Variants in SUCLA2 observed in about 807,000 individuals in gnomAD.
The protein encoded by SUCLA2 is succinate-CoA ligase ADP-forming subunit beta, also known as succinate--CoA ligase [ADP-forming] subunit beta, mitochondrial.
In SUCLA2, 30 loss-of-function variants were observed where a neutral mutation model predicts 54.8. The observed-to-expected ratio is 0.55, with a 90% CI of 0.41 to 0.74. The LOEUF (loss-of-function observed/expected upper bound fraction) is 0.74, where lower values mean the gene tolerates loss of function less well. Among genes scored for constraint, SUCLA2 ranks in the 30% least tolerant of loss-of-function variants. The pLI, the probability that SUCLA2 is intolerant of heterozygous loss-of-function variation, is 0.00. For missense variants in SUCLA2, 476 were observed against 562.9 expected (o/e 0.85, Z 1.56); for synonymous variants, 172 against 188.9 (o/e 0.91, Z 0.74).
intron 10 of SUCLA2, among the ~76,000 whole-genome samples, chr13:47,943,766 G>GTATATATA (rs1555255588): frequency 5.2e-4 from 73 of 139,658 alleles, no homozygotes; most frequent in African/African-American, 1.6e-3. Context: ...GTGTGTGTGT[G>GTATATATA]TATATATATA....
Position 47,954,210 on chromosome 13 carries a change from A to G in SUCLA2, c.1037T>C (p.Leu346Pro). ...GACTGTAGCACCACCACCAACATCA[A>G]GGAAGTTGGCTGGAGTCCCTCCATG... ...KLHGGTPANF[L>P]DVGGGATVHQ... The change falls in exon 8 of 11, where the codon CTT becomes CCT. Residue 346 changes from leucine (L) to proline (P), a missense_variant. Leu to Pro is a moderately conservative substitution (Grantham distance 98). This residue lies in a region of SUCLA2 where 342 missense variants were observed against 444.2 expected (regional missense o/e 0.77). Coordinates refer to ENST00000646932, the MANE Select transcript of SUCLA2 (RefSeq NM_003850.3). 6.2e-7 allele frequency: 1 copy of G among 1,613,948 alleles called. No homozygotes were observed. The highest frequency in any genetic ancestry group is 1.3e-5 in the African/African-American group (1 of 75,040).
At chr13:47,980,544 G>A (rs1593495587) in intron 4 of SUCLA2, among the ~76,000 whole-genome samples, 1 of 151,982 alleles carries the variant, frequency 6.6e-6, no homozygotes, top group East Asian at 1.9e-4. Context: ...CAGATTCAAT[G>A]TAATCTCTAT....
chr13:47,964,527 T>C (rs1593485789), intron 6 of SUCLA2, among the ~76,000 whole-genome samples: 1 of 152,180 alleles, frequency 6.6e-6, no homozygotes, highest in Non-Finnish European at 1.5e-5. Flanking sequence ...AATGAACCAA[T>C]GTCAACTAAC....
At chr13:47,972,615 GC>G in intron 5 of SUCLA2, among the ~76,000 whole-genome samples, 1 of 147,156 alleles carries the variant, frequency 6.8e-6, no homozygotes, top group Non-Finnish European at 1.5e-5. Flanking sequence ...GTTGTGATGA[GC>G]CAAGATGGCG....
At chr13:47,961,637 C>A (rs9595826) in intron 6 of SUCLA2, among the ~76,000 whole-genome samples, 9,562 of 152,208 alleles carry the variant, frequency 0.063, 354 homozygotes, top group Middle Eastern at 0.095. Flanking sequence ...TAGTATTTAA[C>A]TGTCTTTGGG....
chr13:47,951,196 T>C (rs1282121065), intron 8 of SUCLA2, among the ~76,000 whole-genome samples: 1 of 152,138 alleles, frequency 6.6e-6, no homozygotes, highest in Non-Finnish European at 1.5e-5. Flanking sequence ...GTCTCTAGAA[T>C]ATTAAATGTA....
At chr13:47,943,534 T>C in intron 10 of SUCLA2, 89 bp from the exon 11 acceptor site, 1 of 1,170,716 alleles carries the variant, frequency 8.5e-7, no homozygotes, top group Non-Finnish European at 1.3e-6. Context: ...ATTTTTTCCA[T>C]TTAAAACATC....
chr13:47,963,384 C>T lies in SUCLA2; in HGVS notation c.802+5211G>A, dbSNP rs112904291. On this transcript the variant is annotated intron_variant, in intron 6 of 10. Coordinates refer to ENST00000646932, the MANE Select transcript of SUCLA2 (RefSeq NM_003850.3). ...GAAGGCCAGGTGCAGTGGCTCACGC[C>T]TGTAATCCCAGCACTTTGGGAGGCT... Among the ~76,000 whole-genome samples, 1,485 of 152,288 alleles carry T rather than the reference C, an allele frequency of 9.8e-3. 28 individuals are homozygous for T. The highest frequency in any genetic ancestry group is 0.033 in the African/African-American group (1,382 of 41,550).
At chr13:47,946,353 G>A (rs1949731297) in intron 10 of SUCLA2, among the ~76,000 whole-genome samples, 1 of 151,980 alleles carries the variant, frequency 6.6e-6, no homozygotes, top group Non-Finnish European at 1.5e-5. Flanking sequence ...GGGGACTACT[G>A]CACACATACA....
intron 10 of SUCLA2, among the ~76,000 whole-genome samples, chr13:47,944,733 G>C (rs180900558): frequency 3.9e-5 from 6 of 152,226 alleles, no homozygotes; most frequent in Middle Eastern, 3.4e-3. Context: ...CTGTCTCCAA[G>C]CTAGAGTTAA....
At chr13:47,986,993 T>C (rs1332011379) in intron 4 of SUCLA2, among the ~76,000 whole-genome samples, 1 of 152,214 alleles carries the variant, frequency 6.6e-6, no homozygotes, top group Non-Finnish European at 1.5e-5. Context: ...CAACTCTACA[T>C]TGGTCTAATG....
chr13:47,959,481 A>C, intron 6 of SUCLA2, among the ~76,000 whole-genome samples: 1 of 62,512 alleles, frequency 1.6e-5, no homozygotes, highest in Non-Finnish European at 2.9e-5. Flanking sequence ...GGGGCGGAGG[A>C]GGAGGGGGGA....
rs1042047474 is a variant in SUCLA2, at chr13:47,999,503, C to T, written c.90+1677G>A. On this transcript the variant is annotated intron_variant, in intron 1 of 10. Transcript: ENST00000646932. ...CGGGAGGATCACGAGGTCAGGAGAT[C>T]GAGACCGTCCTGGCTAACACGGTGA... Among the ~76,000 whole-genome samples the T allele has an allele frequency of 5.3e-5, 8 of 152,108 alleles. 1 individual carries two copies. In the South Asian group the frequency reaches 1.7e-3, roughly 32 times the overall value.
At chr13:47,997,144 G>T in intron 1 of SUCLA2, 121 bp from the exon 2 acceptor site, 1 of 1,030,416 alleles carries the variant, frequency 9.7e-7, no homozygotes, top group Non-Finnish European at 1.5e-6. Context: ...ACAATATTCA[G>T]AGTACCTGAA....
intron 8 of SUCLA2, among the ~76,000 whole-genome samples, chr13:47,953,575 A>G (rs1387711769): frequency 1.3e-5 from 2 of 152,214 alleles, no homozygotes; most frequent in Non-Finnish European, 2.9e-5. Context: ...ACGGTCTAAC[A>G]CCACAAATAA....
chr13:47,994,017 C>G (rs1950171463), intron 2 of SUCLA2, among the ~76,000 whole-genome samples: 1 of 146,318 alleles, frequency 6.8e-6, no homozygotes, highest in South Asian at 2.1e-4. Context: ...GAGATGGCGC[C>G]ATTGCACTCC....
At chr13:47,982,631 CTTCT>C (rs954054792) in intron 4 of SUCLA2, among the ~76,000 whole-genome samples, 6 of 151,908 alleles carry the variant, frequency 3.9e-5, no homozygotes, top group East Asian at 1.9e-4. Context: ...TCCTTCCTTC[CTTCT>C]TTCTTTCTGA....
Position 47,989,098 on chromosome 13 carries a change from A to C in SUCLA2, c.272-117T>G, listed in dbSNP as rs548171078. Reference sequence around the variant, plus strand: ...ATTAAATCAAGTCTAATTTATTCACAATGTCCAAAAATAAGGCATTCTCTT... The same window carrying C: ...ATTAAATCAAGTCTAATTTATTCACCATGTCCAAAAATAAGGCATTCTCTT... On this transcript the variant is annotated intron_variant, in intron 2 of 10. Transcript: ENST00000646932. 3.5e-5 allele frequency: 35 copies of C among 995,762 alleles called. No homozygotes were observed. In the South Asian group the frequency reaches 4.5e-4, roughly 13 times the overall value. 61.7% of individuals were successfully genotyped at this position (995,762 alleles called of 1,614,324 possible). A position where few individuals can be genotyped will look rare whatever the true frequency, so the allele number is the denominator to read the frequency against.
At chr13:47,943,902 T>C (rs1216139236) in intron 10 of SUCLA2, among the ~76,000 whole-genome samples, 1 of 151,954 alleles carries the variant, frequency 6.6e-6, no homozygotes, top group South Asian at 2.1e-4. Flanking sequence ...ACTTAAAATG[T>C]TGGGATAGAA....
Sources: gnomAD v4.1 joint callset for allele counts (sites outside exome capture counted in the v4.1 genomes callset) on GRCh38, gnomAD v4.1.1 for gene constraint, gnomAD v4.1.1 regional missense constraint, MANE v1.5 for transcripts, NCBI Gene and HGNC (gene_info 2026-07-23, HGNC 2026-07-21) for gene names.